ACACA: variants seen among roughly 807,000 people sequenced by gnomAD.
ACACA encodes acetyl-CoA carboxylase 1.
A neutral mutation model predicts 296.1 loss-of-function variants in ACACA; 103 were observed. The observed-to-expected ratio is 0.35, with a 90% CI of 0.30 to 0.41. The LOEUF is 0.41. ACACA is among the 10% of genes least tolerant of loss of function. ACACA has a pLI of 1.00. For missense variants in ACACA, 1,554 were observed against 2,989.7 expected, an observed-to-expected ratio of 0.52 and a Z score of 11.20; for synonymous variants, 953 against 1,038.6, an observed-to-expected ratio of 0.92 and a Z score of 1.58.
intron 2 of ACACA, among the ~76,000 whole-genome samples, chr17:37,331,141 G>T (rs183787482): frequency 6.8e-6 from 1 of 146,362 alleles, no homozygotes; most frequent in Non-Finnish European, 1.5e-5. Flanking sequence ...ATTTAGAGAC[G>T]GAGTCTCGCT....
intron 52 of ACACA, among the ~76,000 whole-genome samples, chr17:37,108,038 C>T (rs762317534): frequency 6.6e-6 from 1 of 152,206 alleles, no homozygotes; most frequent in Admixed American, 6.5e-5. Flanking sequence ...CTTAAGGCAA[C>T]CAAATGGTAG....
At chr17:37,372,199 G>GCC (rs1249545621) in intron 1 of ACACA, among the ~76,000 whole-genome samples, 4 of 152,106 alleles carry the variant, frequency 2.6e-5, no homozygotes, top group Non-Finnish European at 5.9e-5. Flanking sequence ...GGATCACGAG[G>GCC]TCAGGAGATC....
chr17:37,263,087 T>C (rs968882316), intron 11 of ACACA, among the ~76,000 whole-genome samples: 8 of 152,126 alleles, frequency 5.3e-5, no homozygotes, highest in African/African-American at 9.7e-5. Flanking sequence ...CATCCTAATA[T>C]ATACACAACA....
chr17:37,248,712 C>A, intron 16 of ACACA, 38 bp from the exon 17 acceptor site: 1 of 1,415,872 alleles, frequency 7.1e-7, no homozygotes, highest in South Asian at 1.2e-5. Context: ...CTACAAAGTT[C>A]TAACAGTTAT....
At chr17:37,143,771 CA>C (rs2075700760) in intron 45 of ACACA, 1 of 995,606 alleles carries the variant, frequency 1.0e-6, no homozygotes. Context: ...TCGGCCTTGG[CA>C]ACTCCCTTTT....
intron 33 of ACACA, among the ~76,000 whole-genome samples, chr17:37,202,423 C>T (rs1336335377): frequency 2.0e-5 from 3 of 151,890 alleles, no homozygotes; most frequent in African/African-American, 7.3e-5. Context: ...ACACTGACTG[C>T]TTCAATCTCC....
intron 51 of ACACA, among the ~76,000 whole-genome samples, chr17:37,112,270 A>T (rs1030593750): frequency 6.6e-6 from 1 of 151,816 alleles, no homozygotes. Flanking sequence ...AAACATGTTT[A>T]AAAAAAAACC....
intron 1 of ACACA, chr17:37,368,699 T>C (rs763229656): frequency 1.3e-5 from 2 of 152,180 alleles, no homozygotes; most frequent in Non-Finnish European, 2.9e-5. Flanking sequence ...TTACCCTTAC[T>C]TGGAAGGAGC....
At chr17:37,258,124 C>T in intron 13 of ACACA, 88 bp downstream of exon 13, 5 of 1,488,518 alleles carry the variant, frequency 3.4e-6, no homozygotes, top group Non-Finnish European at 4.6e-6. Context: ...GAGGAAGTCC[C>T]AAGATATTTC....
intron 3 of ACACA, chr17:37,299,700 AT>A (rs985482235): frequency 9.8e-7 from 1 of 1,016,102 alleles, no homozygotes; most frequent in Non-Finnish European, 1.2e-6. Flanking sequence ...TGCAGCAAAC[AT>A]TTTCAACAAC....
rs372844917 is a variant in ACACA at position 37,094,579 on chromosome 17, C to A, written c.6891+2417G>T. Reference sequence around the variant, plus strand: ...ATCATTCTTTGAAGAACCACCCCCCCCCCCCCACACCAAACAGCAAGCAGA... The same window carrying A: ...ATCATTCTTTGAAGAACCACCCCCCACCCCCCACACCAAACAGCAAGCAGA... On this transcript the variant is annotated intron_variant, in intron 54 of 55. Transcript: ENST00000616317. 8.2e-5 allele frequency among the ~76,000 whole-genome samples: 12 copies of A among 147,136 alleles called. 1 individual carries two copies. Among genetic ancestry groups the A allele is most frequent in the Middle Eastern group, 6.9e-3 (2 of 288 alleles).
intron 35 of ACACA, among the ~76,000 whole-genome samples, chr17:37,196,166 T>C (rs551660557): frequency 6.6e-6 from 1 of 152,226 alleles, no homozygotes; most frequent in South Asian, 2.1e-4. Context: ...AGCTTGCTGG[T>C]ACAATTCTCT....
chr17:37,293,634 C>T (rs1278910596), intron 3 of ACACA, among the ~76,000 whole-genome samples: 1 of 151,094 alleles, frequency 6.6e-6, no homozygotes, highest in South Asian at 2.1e-4. Context: ...CCTCCTCTTC[C>T]CAGGTTCAAG....
At chr17:37,254,930 A>T (rs2081160543) in intron 14 of ACACA, among the ~76,000 whole-genome samples, 1 of 151,812 alleles carries the variant, frequency 6.6e-6, no homozygotes, top group African/African-American at 2.4e-5. Flanking sequence ...AAGCAGAGGG[A>T]AGAAAATACA....
In ACACA at chr17:37,224,992, C is replaced by G; in HGVS notation, c.3474G>C (p.Gln1158His). 7.3e-7 allele frequency: 1 copy of G among 1,362,334 alleles called. No individual in the cohort carries two copies. The highest frequency in any genetic ancestry group is 1.0e-6 in the Non-Finnish European group (1 of 963,250). The allele number at this position is 1,362,334 out of a possible 1,614,324, so 84.4% of individuals were successfully genotyped here. Residue 1158 changes from glutamine (Q) to histidine (H), a missense_variant and splice_region_variant, in exon 27 of 56, where the codon CAG (glutamine) becomes CAC (histidine). By Grantham distance (24) the Gln-to-His change is conservative (BLOSUM62 0). This residue lies in a region of ACACA where 42 missense variants were observed against 147.5 expected (regional missense o/e 0.28). Coordinates refer to ENST00000616317, the MANE Select transcript of ACACA (RefSeq NM_198834.3). ...TATATATATATATATATATATATAC[C>G]TGCAGGTTCTCAATGCAAAATTGAT... ...YGHQFCIENLQKLILSETSIF... is the reference protein window; with the variant it reads ...YGHQFCIENLHKLILSETSIF...
intron 1 of ACACA, among the ~76,000 whole-genome samples, chr17:37,370,782 G>A (rs573717971): frequency 4.6e-5 from 7 of 152,038 alleles, no homozygotes; most frequent in African/African-American, 1.7e-4. Context: ...TCAGGAGTTC[G>A]AGACCAGGCC....
chr17:37,314,100 T>C (rs1384093872), intron 3 of ACACA, among the ~76,000 whole-genome samples: 1 of 139,098 alleles, frequency 7.2e-6, no homozygotes, highest in Non-Finnish European at 1.5e-5. Flanking sequence ...TTCTACTATA[T>C]ATTCTTTTTT....
intron 33 of ACACA, among the ~76,000 whole-genome samples, chr17:37,203,348 G>C (rs2078357536): frequency 6.6e-6 from 1 of 152,072 alleles, no homozygotes; most frequent in Non-Finnish European, 1.5e-5. Flanking sequence ...GTCAAATTAT[G>C]GAAAAATACT....
chr17:37,365,139 G>A (rs553369154), intron 1 of ACACA, among the ~76,000 whole-genome samples: 51 of 151,868 alleles, frequency 3.4e-4, no homozygotes, highest in Admixed American at 1.1e-3. Flanking sequence ...TTGTATTTCC[G>A]GCAGAGACAG....
Sources: allele counts gnomAD v4.1 joint callset (sites outside exome capture counted in the v4.1 genomes callset), GRCh38; gene constraint gnomAD v4.1.1; regional missense constraint gnomAD v4.1.1; transcripts MANE v1.5; gene names NCBI Gene and HGNC (gene_info 2026-07-23, HGNC 2026-07-21).